The following ROBO1 variants were observed in gnomAD, a reference collection of about 807,000 sequenced individuals.
The protein encoded by ROBO1 is roundabout guidance receptor 1, also known as roundabout homolog 1.
Under a neutral mutation model 195.9 loss-of-function variants are expected in ROBO1, and 149 were observed. That is an observed-to-expected ratio of 0.76 (90% CI 0.67 to 0.87). The LOEUF (loss-of-function observed/expected upper bound fraction) is 0.87, where lower values mean the gene tolerates loss of function less well. Ranked by LOEUF, ROBO1 falls within the 40% of genes least tolerant of loss-of-function variation. The pLI is 0.00. For synonymous variants in ROBO1, 816 were observed against 733.2 expected, an observed-to-expected ratio of 1.11 and a Z score of -1.82; for missense variants, 1,933 against 2,068.3, an observed-to-expected ratio of 0.93 and a Z score of 1.27.
rs778378389 is a variant in ROBO1 at position 78,800,397 on chromosome 3, T to C, written c.500-53497A>G. Among the ~76,000 whole-genome samples, 4 of 152,198 alleles carry C rather than the reference T, an allele frequency of 2.6e-5. No individual in the cohort carries two copies. In the East Asian group the frequency reaches 7.7e-4, roughly 29 times the overall value. The stretch of plus-strand genomic sequence containing the variant: ...GAAGACGAGTAATGAACAATTTTAA[T>C]GTGTATGCTCAGGAAAGTTAAGCTG... On this transcript the variant is annotated intron_variant, in intron 4 of 30. Transcript: ENST00000464233.
intron 4 of ROBO1, among the ~76,000 whole-genome samples, chr3:78,803,749 A>G (rs2084440614): frequency 6.6e-6 from 1 of 152,124 alleles, no homozygotes; most frequent in Non-Finnish European, 1.5e-5. Context: ...TGGGCTTAAC[A>G]CTGCTTACAA....
At chr3:79,237,784 T>C (rs2082440032) in intron 2 of ROBO1, among the ~76,000 whole-genome samples, 1 of 152,260 alleles carries the variant, frequency 6.6e-6, no homozygotes, top group Admixed American at 6.5e-5. Context: ...AAAAAAAATT[T>C]ACTGAGAAAA....
At chr3:79,365,488 C>A (rs980410208) in intron 2 of ROBO1, among the ~76,000 whole-genome samples, 3 of 152,166 alleles carry the variant, frequency 2.0e-5, no homozygotes, top group Admixed American at 1.3e-4. Flanking sequence ...ATCAGAGGAT[C>A]CCCTAACTTC....
chr3:79,207,456 C>T (rs143635340), intron 2 of ROBO1, among the ~76,000 whole-genome samples: 29 of 152,186 alleles, frequency 1.9e-4, no homozygotes, highest in African/African-American at 6.7e-4. Flanking sequence ...CAGTCGTAAT[C>T]GATTGGACTG....
chr3:78,992,254 T>G (rs143467081), intron 3 of ROBO1, among the ~76,000 whole-genome samples: 161 of 152,282 alleles, frequency 1.1e-3, no homozygotes, highest in African/African-American at 3.7e-3. Context: ...CAATCCTGGA[T>G]CCTGGTGTAG....
chr3:78,952,504 A>G (rs1246048655), intron 3 of ROBO1, among the ~76,000 whole-genome samples: 1 of 151,930 alleles, frequency 6.6e-6, no homozygotes, highest in East Asian at 1.9e-4. Flanking sequence ...AAATCCTATC[A>G]TGGGCACTAA....
chr3:79,140,816 T>C (rs1278766118), intron 2 of ROBO1, among the ~76,000 whole-genome samples: 1 of 152,162 alleles, frequency 6.6e-6, no homozygotes, highest in Non-Finnish European at 1.5e-5. Context: ...TTTCTTCACA[T>C]CTTCACCATT....
At position 79,062,921 on chromosome 3, in the gene ROBO1, T is replaced by A. The variant is rs539167500; in HGVS notation, c.172+62535A>T. Among the ~76,000 whole-genome samples the A allele has an allele frequency of 7.3e-5, 11 of 151,656 alleles. No homozygotes were observed. In the East Asian group the frequency reaches 2.1e-3, roughly 29 times the overall value. ...GGGTGCAGCAAACCAACATGGTATATGTATACCTATGTAAAAAACCTGCAC... is the reference window on the plus strand; with the variant it reads ...GGGTGCAGCAAACCAACATGGTATAAGTATACCTATGTAAAAAACCTGCAC... On this transcript the variant is annotated intron_variant, in intron 3 of 30. Coordinates refer to ENST00000464233, the MANE Select transcript of ROBO1 (RefSeq NM_002941.4).
At chr3:78,690,796 A>T (rs2081155908) in intron 8 of ROBO1, among the ~76,000 whole-genome samples, 1 of 152,124 alleles carries the variant, frequency 6.6e-6, no homozygotes, top group Admixed American at 6.5e-5. Context: ...TGTTCAAACC[A>T]CTTACTTAAG....
chr3:78,927,117 G>T (rs1179153837), intron 4 of ROBO1, among the ~76,000 whole-genome samples: 1 of 152,148 alleles, frequency 6.6e-6, no homozygotes, highest in Non-Finnish European at 1.5e-5. Flanking sequence ...GTGGGATAAG[G>T]CCACACATGG....
intron 1 of ROBO1, among the ~76,000 whole-genome samples, chr3:79,607,132 C>CACAT (rs1491185745): frequency 2.7e-5 from 4 of 150,092 alleles, no homozygotes; most frequent in African/African-American, 9.8e-5. Context: ...CACACACACA[C>CACAT]ATAGTGGAAC....
Position 78,751,316 on chromosome 3 carries a change from A to G in ROBO1, c.500-4416T>C, listed in dbSNP as rs7616130. 9.1e-3 allele frequency among the ~76,000 whole-genome samples: 1,379 copies of G among 152,132 alleles called. 22 individuals are homozygous for G. Among genetic ancestry groups the G allele is most frequent in the African/African-American group, 0.032 (1,324 of 41,524 alleles). Reference sequence around the variant, plus strand: ...AATAGTAATAATAATAATAATAATAATAATGTCAGCAATATAATAATGATG... The same window carrying G: ...AATAGTAATAATAATAATAATAATAGTAATGTCAGCAATATAATAATGATG... On this transcript the variant is annotated intron_variant, in intron 4 of 30. Transcript: ENST00000464233.
intron 4 of ROBO1, among the ~76,000 whole-genome samples, chr3:78,860,327 T>TATATATATATA (rs1491455003): frequency 2.4e-4 from 3 of 12,566 alleles, no homozygotes; most frequent in East Asian, 1.2e-3. Flanking sequence ...TATATATATA[T>TATATATATATA]TTTTTTTTTT....
chr3:79,411,522 C>A (rs1054374822), intron 2 of ROBO1, among the ~76,000 whole-genome samples: 1 of 152,204 alleles, frequency 6.6e-6, no homozygotes, highest in East Asian at 1.9e-4. Context: ...ACCCTCAGGA[C>A]AAAGTGCTAA....
intron 4 of ROBO1, among the ~76,000 whole-genome samples, chr3:78,914,592 T>C (rs2038443940): frequency 6.6e-6 from 1 of 151,548 alleles, no homozygotes. Context: ...AAAATATAAA[T>C]CAATGTTTTT....
chr3:79,124,456 AT>A (rs1461784920), intron 3 of ROBO1, among the ~76,000 whole-genome samples: 2 of 152,174 alleles, frequency 1.3e-5, no homozygotes, highest in African/African-American at 4.8e-5. Context: ...TATCAAGTCT[AT>A]TATTTTATCT....
At chr3:78,876,535 C>A (rs967700134) in intron 4 of ROBO1, among the ~76,000 whole-genome samples, 3 of 152,118 alleles carry the variant, frequency 2.0e-5, no homozygotes, top group Admixed American at 1.3e-4. Flanking sequence ...GCAATTGATA[C>A]AACTGATGAT....
chr3:79,452,237 C>T (rs75871927), intron 2 of ROBO1, among the ~76,000 whole-genome samples: 5,227 of 152,140 alleles, frequency 0.034, 208 homozygotes, highest in African/African-American at 0.098. Context: ...TGTTTTCCCA[C>T]TGCTCTTAAA....
rs576689425 is a variant in ROBO1 at position 79,726,067 on chromosome 3, G to A, written c.-51+41685C>T. On this transcript the variant is annotated intron_variant, in intron 1 of 30. Coordinates refer to ENST00000464233, the MANE Select transcript of ROBO1 (RefSeq NM_002941.4). ...GCAGCCATTCTCGGCTGGGTTCCTC[G>A]TCAGAATTTAAGGACACAAAATGTA... is the stretch of plus-strand genomic sequence containing the variant. Among the ~76,000 whole-genome samples the A allele has an allele frequency of 5.9e-5, 9 of 152,254 alleles. No homozygotes were observed. In the South Asian group the frequency reaches 1.5e-3, roughly 25 times the overall value.
Sources: allele counts gnomAD v4.1 joint callset (sites outside exome capture counted in the v4.1 genomes callset), GRCh38; gene constraint gnomAD v4.1.1; transcripts MANE v1.5; gene names NCBI Gene and HGNC (gene_info 2026-07-23, HGNC 2026-07-21).